PPM1E: variants seen among roughly 807,000 people sequenced by gnomAD.
PPM1E encodes protein phosphatase 1E.
Under a neutral mutation model 65.9 loss-of-function variants are expected in PPM1E, and 20 were observed. That is an observed-to-expected ratio of 0.30 (90% CI 0.21 to 0.44). The LOEUF (loss-of-function observed/expected upper bound fraction) is 0.44, where lower values mean the gene tolerates loss of function less well. Ranked by LOEUF, PPM1E falls within the 20% of genes least tolerant of loss-of-function variation. The probability of loss-of-function intolerance (pLI) is 1.00; values close to 1 mark genes in which losing one functional copy is unlikely to be tolerated. For synonymous variants in PPM1E, 352 were observed against 374.9 expected, an observed-to-expected ratio of 0.94 and a Z score of 0.70; for missense variants, 713 against 953.1, an observed-to-expected ratio of 0.75 and a Z score of 3.32.
intron 6 of PPM1E, among the ~76,000 whole-genome samples, chr17:58,978,740 T>TAGTC (rs1222787060): frequency 3.3e-5 from 5 of 152,142 alleles, no homozygotes; most frequent in Admixed American, 3.3e-4. Flanking sequence ...TCCCTTGTTG[T>TAGTC]AGTCATAAGC....
At chr17:58,869,779 A>T (rs1034373740) in intron 1 of PPM1E, among the ~76,000 whole-genome samples, 5 of 152,198 alleles carry the variant, frequency 3.3e-5, no homozygotes, top group Admixed American at 2.6e-4. Context: ...AACTAAGGGG[A>T]TAGCATCTAG....
intron 6 of PPM1E, among the ~76,000 whole-genome samples, chr17:58,975,905 A>T (rs2030967648): frequency 6.6e-6 from 1 of 152,226 alleles, no homozygotes; most frequent in African/African-American, 2.4e-5. Flanking sequence ...GGAGGGTATC[A>T]ACTGATGAGA....
At chr17:58,931,014 G>A (rs2051887083) in intron 1 of PPM1E, among the ~76,000 whole-genome samples, 1 of 145,122 alleles carries the variant, frequency 6.9e-6, no homozygotes, top group African/African-American at 2.6e-5. Flanking sequence ...AGGAGTTCAG[G>A]ACCAGCCTGG....
At chr17:58,928,069 A>G (rs2051846887) in intron 1 of PPM1E, among the ~76,000 whole-genome samples, 1 of 151,886 alleles carries the variant, frequency 6.6e-6, no homozygotes, top group Admixed American at 6.6e-5. Context: ...CAATTAAAAA[A>G]AAAAAAATTA....
At chr17:58,929,589 T>A (rs933215863) in intron 1 of PPM1E, among the ~76,000 whole-genome samples, 10 of 152,286 alleles carry the variant, frequency 6.6e-5, no homozygotes, top group Non-Finnish European at 1.0e-4. Flanking sequence ...AGCAAAATAT[T>A]AATGGTAGAA....
chr17:58,792,258 GTAA>G (rs1322061325), intron 1 of PPM1E, among the ~76,000 whole-genome samples: 1 of 147,592 alleles, frequency 6.8e-6, no homozygotes, highest in African/African-American at 2.5e-5. Flanking sequence ...AATTATTATA[GTAA>G]TAATAATTAT....
At chr17:58,921,495 G>A (rs746094343) in intron 1 of PPM1E, among the ~76,000 whole-genome samples, 14 of 150,546 alleles carry the variant, frequency 9.3e-5, no homozygotes, top group Admixed American at 3.3e-4. Flanking sequence ...ACCAGGCTAG[G>A]CAGCATAGTG....
intron 1 of PPM1E, among the ~76,000 whole-genome samples, chr17:58,764,259 A>G (rs1165730729): frequency 1.3e-5 from 2 of 152,148 alleles, no homozygotes; most frequent in Non-Finnish European, 2.9e-5. Flanking sequence ...ATTTTGTTTT[A>G]GATTTGCTAT....
At chr17:58,940,722 T>C (rs1032816269) in intron 1 of PPM1E, among the ~76,000 whole-genome samples, 4 of 152,118 alleles carry the variant, frequency 2.6e-5, no homozygotes, top group African/African-American at 9.7e-5. Flanking sequence ...TTGGGTTTTT[T>C]TTTGAGACAG....
At chr17:58,808,250 C>T (rs1282080016) in intron 1 of PPM1E, among the ~76,000 whole-genome samples, 1 of 152,164 alleles carries the variant, frequency 6.6e-6, no homozygotes, top group East Asian at 1.9e-4. Flanking sequence ...GGATCATCTT[C>T]TTTCAGAATG....
intron 1 of PPM1E, among the ~76,000 whole-genome samples, chr17:58,764,039 T>TA (rs1247503123): frequency 6.6e-6 from 1 of 152,028 alleles, no homozygotes; most frequent in South Asian, 2.1e-4. Context: ...TGAATTTAGT[T>TA]AAAAAAACTT....
At chr17:58,812,935 A>G (rs554989196) in intron 1 of PPM1E, among the ~76,000 whole-genome samples, 1 of 152,322 alleles carries the variant, frequency 6.6e-6, no homozygotes, top group African/African-American at 2.4e-5. Context: ...ATCATGAAAA[A>G]TGAAAAAGAA....
At chr17:58,827,542 A>G (rs1238735659) in intron 1 of PPM1E, among the ~76,000 whole-genome samples, 2 of 152,162 alleles carry the variant, frequency 1.3e-5, no homozygotes, top group Admixed American at 6.5e-5. Context: ...TTGAATATGT[A>G]GATTTATTCA....
rs576756942 is a variant in PPM1E at position 58,905,234 on chromosome 17, A to G, written c.465-50415A>G. Among the ~76,000 whole-genome samples the G allele has an allele frequency of 4.4e-4, 67 of 152,322 alleles. 1 individual carries two copies. The South Asian group carries it at 0.011, about 26-fold the overall frequency. The stretch of plus-strand genomic sequence containing the variant: ...TCTTATTGCATTAACTAGGACTTCA[A>G]GTACAATGTTGAAAAAGAGTAGTGA... On this transcript the variant is annotated intron_variant, in intron 1 of 6. Coordinates refer to ENST00000308249, the MANE Select transcript of PPM1E (RefSeq NM_014906.5).
chr17:58,970,521 T>C (rs1375861079), intron 4 of PPM1E, among the ~76,000 whole-genome samples: 1 of 152,124 alleles, frequency 6.6e-6, no homozygotes, highest in Non-Finnish European at 1.5e-5. Context: ...CATTAACTCT[T>C]TTTAAAATGG....
chr17:58,942,282 A>T (rs938555836), intron 1 of PPM1E, among the ~76,000 whole-genome samples: 1 of 152,060 alleles, frequency 6.6e-6, no homozygotes, highest in Non-Finnish European at 1.5e-5. Flanking sequence ...GCTCCACAGG[A>T]GGCTGAGGTG....
rs532714655 is a variant in PPM1E at position 58,826,819 on chromosome 17, C to G, written c.464+70358C>G. Among the ~76,000 whole-genome samples, 243 of 151,744 alleles carry G rather than the reference C, an allele frequency of 1.6e-3. 4 individuals are homozygous for G. Among genetic ancestry groups the G allele is most frequent in the Admixed American group, 0.016 (242 of 15,208 alleles). ...TTTTTTTTTGTATTTTTAGTAGAGACGGGGTTTCACTGTGTTAGCCAGGAT... is the reference window on the plus strand; with the variant it reads ...TTTTTTTTTGTATTTTTAGTAGAGAGGGGGTTTCACTGTGTTAGCCAGGAT... On this transcript the variant is annotated intron_variant, in intron 1 of 6. Transcript: ENST00000308249.
At chr17:58,942,071 T>C (rs1395943415) in intron 1 of PPM1E, among the ~76,000 whole-genome samples, 1 of 151,360 alleles carries the variant, frequency 6.6e-6, no homozygotes, top group Non-Finnish European at 1.5e-5. Context: ...TAATGGATCA[T>C]AAACTGCAAT....
At chr17:58,968,894 G>A (rs940676035) in intron 3 of PPM1E, among the ~76,000 whole-genome samples, 4 of 152,306 alleles carry the variant, frequency 2.6e-5, no homozygotes, top group East Asian at 1.9e-4. Context: ...GTGGTCAGCC[G>A]CACAGGGCAT....
Sources: gnomAD v4.1 joint callset for allele counts (sites outside exome capture counted in the v4.1 genomes callset) on GRCh38, gnomAD v4.1.1 for gene constraint, MANE v1.5 for transcripts, NCBI Gene and HGNC (gene_info 2026-07-23, HGNC 2026-07-21) for gene names.